GARNL3: variants seen among roughly 807,000 people sequenced by gnomAD.
GARNL3 encodes GTPase-activating Rap/Ran-GAP domain-like protein 3.
A neutral mutation model predicts 125.0 loss-of-function variants in GARNL3; 63 were observed. The ratio of observed to expected loss-of-function variants is 0.50; its 90% CI spans 0.41 to 0.62. The LOEUF is 0.62. GARNL3 is among the 20% of genes least tolerant of loss of function. GARNL3 has a pLI of 0.00. For missense variants in GARNL3, 994 were observed against 1,244.0 expected, an observed-to-expected ratio of 0.80 and a Z score of 3.02; for synonymous variants, 439 against 457.5, an observed-to-expected ratio of 0.96 and a Z score of 0.52.
At chr9:127,387,168 G>A (rs747615038) in intron 24 of GARNL3, 25 bp from the exon 25 acceptor site, 23 of 1,604,508 alleles carry the variant, frequency 1.4e-5, no homozygotes, top group South Asian at 4.4e-5. Flanking sequence ...CAGGCAGCCC[G>A]GTAATGCTCT....
At chr9:127,228,144 C>G (rs28522120) in intron 1 of GARNL3, among the ~76,000 whole-genome samples, 1 of 152,050 alleles carries the variant, frequency 6.6e-6, no homozygotes, top group East Asian at 1.9e-4. Context: ...TCTGAAATCT[C>G]TTTTAAATTG....
intron 2 of GARNL3, among the ~76,000 whole-genome samples, chr9:127,256,770 AT>A: frequency 6.6e-6 from 1 of 152,366 alleles, no homozygotes; most frequent in Middle Eastern, 3.4e-3. Context: ...CAGGGGCAGC[AT>A]CTTGTGTAAC....
chr9:127,285,990 G>A (rs1392928028), intron 1 of GARNL3, among the ~76,000 whole-genome samples: 1 of 144,426 alleles, frequency 6.9e-6, no homozygotes, highest in African/African-American at 2.5e-5. Context: ...TTACCTTTAG[G>A]AGAAGTTCCA....
At chr9:127,273,947 A>T (rs2063888530) in intron 1 of GARNL3, among the ~76,000 whole-genome samples, 1 of 152,062 alleles carries the variant, frequency 6.6e-6, no homozygotes, top group African/African-American at 2.4e-5. Context: ...TCCTCATCTT[A>T]TTCTCTTGTT....
At chr9:127,390,197 G>A (rs948887071) in intron 26 of GARNL3, among the ~76,000 whole-genome samples, 2 of 152,202 alleles carry the variant, frequency 1.3e-5, no homozygotes, top group African/African-American at 4.8e-5. Flanking sequence ...GACAGGGCAG[G>A]ACTAGACACT....
chr9:127,383,432 T>C lies in GARNL3; in HGVS notation c.2162-6T>C, dbSNP rs777502390. 8.2e-6 allele frequency: 13 copies of C among 1,582,998 alleles called. No homozygotes were observed. Among genetic ancestry groups the C allele is most frequent in the Admixed American group, 3.5e-5 (2 of 56,490 alleles). On this transcript the variant is annotated splice_polypyrimidine_tract_variant and splice_region_variant and intron_variant, in intron 22 of 27. Coordinates refer to ENST00000373387, the MANE Select transcript of GARNL3 (RefSeq NM_032293.5). ...CAAAAATGAGTTGCTGTTGTTTTCA[T>C]TGCAGACAGTTGCATCTATAAAAAG...
At chr9:127,287,911 G>A (rs952849626) in intron 1 of GARNL3, among the ~76,000 whole-genome samples, 7 of 152,170 alleles carry the variant, frequency 4.6e-5, no homozygotes, top group Admixed American at 6.5e-5. Context: ...GCTTTCCAGG[G>A]CCAGTATAGG....
chr9:127,284,700 A>T (rs2064197389), intron 1 of GARNL3, among the ~76,000 whole-genome samples: 1 of 151,922 alleles, frequency 6.6e-6, no homozygotes, highest in Non-Finnish European at 1.5e-5. Context: ...TGTTGTTCAC[A>T]TCTGAATAGT....
At chr9:127,302,752 C>T (rs2064838421) in intron 2 of GARNL3, among the ~76,000 whole-genome samples, 1 of 152,162 alleles carries the variant, frequency 6.6e-6, no homozygotes, top group Admixed American at 6.5e-5. Context: ...ATACTGTTTA[C>T]ATATTTTACA....
At chr9:127,303,453 G>T (rs1300731486) in intron 2 of GARNL3, among the ~76,000 whole-genome samples, 3 of 152,082 alleles carry the variant, frequency 2.0e-5, no homozygotes, top group African/African-American at 7.2e-5. Flanking sequence ...TGGAGGATGG[G>T]GGAAAGAAAA....
At chr9:127,279,269 T>C (rs1369877398) in intron 1 of GARNL3, among the ~76,000 whole-genome samples, 3 of 152,158 alleles carry the variant, frequency 2.0e-5, no homozygotes, top group African/African-American at 7.2e-5. Flanking sequence ...TCATTAATTT[T>C]CCTTAAAACA....
chr9:127,249,338 C>G (rs2063360003), intron 2 of GARNL3, among the ~76,000 whole-genome samples: 1 of 152,138 alleles, frequency 6.6e-6, no homozygotes, highest in South Asian at 2.1e-4. Context: ...AATCCCAGCA[C>G]TTTGGGAGGC....
At chr9:127,311,490 C>CT in intron 2 of GARNL3, 146 bp from the exon 3 acceptor site, 1 of 598,496 alleles carries the variant, frequency 1.7e-6, no homozygotes, top group Admixed American at 3.0e-5. Context: ...GACTGGGTGT[C>CT]TTTTCTAATG....
Position 127,331,720 on chromosome 9 carries a change from C to CTTTTTTTTTTTTTTTTTTTTTTTTTTTT in GARNL3, c.595-539_595-538insTTTTTTTTTTTTTTTTTTTTTTTTTTTT, listed in dbSNP as rs60448026. Among the ~76,000 whole-genome samples, 326 of 74,296 alleles carry CTTTTTTTTTTTTTTTTTTTTTTTTTTTT rather than the reference C, an allele frequency of 4.4e-3. 53 individuals are homozygous for CTTTTTTTTTTTTTTTTTTTTTTTTTTTT. Among genetic ancestry groups the CTTTTTTTTTTTTTTTTTTTTTTTTTTTT allele is most frequent in the East Asian group, 0.011 (16 of 1,500 alleles). 48.7% of individuals were successfully genotyped at this position (74,296 alleles called of 152,430 possible). A position where few individuals can be genotyped will look rare whatever the true frequency, so the allele number is the denominator to read the frequency against. ...CTACTGCTTGCTTGGCTTGGGCTTG[C>CTTTTTTTTTTTTTTTTTTTTTTTTTTTT]TTTTTTTTTTTTTTTCACATCTGTT... On this transcript the variant is annotated intron_variant, in intron 7 of 27. Transcript: ENST00000373387.
intron 11 of GARNL3, among the ~76,000 whole-genome samples, chr9:127,337,873 G>T (rs1246185478): frequency 6.6e-6 from 1 of 152,184 alleles, no homozygotes; most frequent in East Asian, 1.9e-4. Context: ...CAGCTTTGGA[G>T]ATTTAAACCT....
intron 22 of GARNL3, among the ~76,000 whole-genome samples, chr9:127,372,821 C>CT (rs1831681465): frequency 6.6e-6 from 1 of 152,222 alleles, no homozygotes; most frequent in Admixed American, 6.5e-5. Flanking sequence ...AGAAAACCCT[C>CT]TGTGTTGATT....
chr9:127,309,060 A>G (rs1313257047), intron 2 of GARNL3, among the ~76,000 whole-genome samples: 1 of 152,248 alleles, frequency 6.6e-6, no homozygotes, highest in East Asian at 1.9e-4. Context: ...AGCAATAGCT[A>G]GTTTTTTAAA....
At chr9:127,391,533 A>AAATAT in intron 27 of GARNL3, among the ~76,000 whole-genome samples, 7 of 75,848 alleles carry the variant, frequency 9.2e-5, no homozygotes, top group African/African-American at 2.4e-4. Flanking sequence ...ACAAAAAAAA[A>AAATAT]ATATATATAT....
At chr9:127,308,901 G>T (rs1412325736) in intron 2 of GARNL3, among the ~76,000 whole-genome samples, 1 of 152,122 alleles carries the variant, frequency 6.6e-6, no homozygotes, top group South Asian at 2.1e-4. Context: ...GTGTGTTGGG[G>T]GTTGTGAACA....
Sources: allele counts gnomAD v4.1 joint callset (sites outside exome capture counted in the v4.1 genomes callset), GRCh38; gene constraint gnomAD v4.1.1; transcripts MANE v1.5; gene names NCBI Gene and HGNC (gene_info 2026-07-23, HGNC 2026-07-21).